Variants in CSMD1 observed in about 807,000 individuals in gnomAD.
The protein encoded by CSMD1 is CUB and sushi domain-containing protein 1.
In CSMD1, 213 loss-of-function variants were observed where a neutral mutation model predicts 417.5. The ratio of observed to expected loss-of-function variants is 0.51; its 90% CI spans 0.46 to 0.57. CSMD1 has a LOEUF of 0.57. Ranked by LOEUF, CSMD1 falls within the 20% of genes least tolerant of loss-of-function variation. CSMD1 has a pLI of 0.00. For synonymous variants in CSMD1, 2,862 were observed against 1,736.8 expected (o/e 1.65, Z -16.11); for missense variants, 6,923 against 4,529.7 (o/e 1.53, Z -15.17).
chr8:4,678,208 C>G (rs764075110), intron 1 of CSMD1, among the ~76,000 whole-genome samples: 1 of 129,262 alleles, frequency 7.7e-6, no homozygotes, highest in Non-Finnish European at 1.7e-5. Context: ...GCCGGGAGTT[C>G]GAGGTCAGCC....
At chr8:3,936,760 A>T (rs4554488) in intron 5 of CSMD1, among the ~76,000 whole-genome samples, 5 of 152,156 alleles carry the variant, frequency 3.3e-5, no homozygotes, top group South Asian at 2.1e-4. Flanking sequence ...CTGCAGCCCA[A>T]GAAACACGAA....
chr8:4,763,302 T>C (rs1207100951), intron 1 of CSMD1, among the ~76,000 whole-genome samples: 1 of 152,218 alleles, frequency 6.6e-6, no homozygotes, highest in East Asian at 1.9e-4. Flanking sequence ...ATAAAGTAAC[T>C]CTTTCCCTCC....
intron 42 of CSMD1, among the ~76,000 whole-genome samples, chr8:3,110,892 C>G (rs577569070): frequency 1.3e-3 from 194 of 152,200 alleles, no homozygotes; most frequent in African/African-American, 4.4e-3. Flanking sequence ...TACTAGTGTT[C>G]AATGACTTGA....
chr8:3,613,700 A>ACAC, intron 8 of CSMD1, among the ~76,000 whole-genome samples: 1 of 87,658 alleles, frequency 1.1e-5, no homozygotes, highest in East Asian at 3.3e-4. Context: ...ATGTCAGATT[A>ACAC]AAACACACAC....
intron 7 of CSMD1, among the ~76,000 whole-genome samples, chr8:3,637,857 A>G (rs1797124789): frequency 1.3e-5 from 2 of 152,178 alleles, no homozygotes; most frequent in Admixed American, 6.5e-5. Flanking sequence ...ATGGTAGTGA[A>G]TAAGTCTCAC....
chr8:4,141,804 C>T (rs1307041137), intron 3 of CSMD1, among the ~76,000 whole-genome samples: 1 of 151,224 alleles, frequency 6.6e-6, no homozygotes. Flanking sequence ...CTCTATTTTA[C>T]AATGACTAAC....
intron 3 of CSMD1, among the ~76,000 whole-genome samples, chr8:4,254,818 T>A (rs898368762): frequency 5.9e-5 from 9 of 152,120 alleles, no homozygotes; most frequent in African/African-American, 2.2e-4. Flanking sequence ...CCCCAGAGCC[T>A]AGGTGTGCCA....
chr8:3,694,037 G>A (rs1800405358), intron 7 of CSMD1, among the ~76,000 whole-genome samples: 2 of 140,362 alleles, frequency 1.4e-5, no homozygotes, highest in African/African-American at 5.3e-5. Context: ...TGTGTGTGTT[G>A]GGTATGTGTG....
chr8:3,234,858 C>G (rs539064832), intron 26 of CSMD1, among the ~76,000 whole-genome samples: 2 of 152,284 alleles, frequency 1.3e-5, no homozygotes, highest in South Asian at 2.1e-4. Context: ...TACACAAATT[C>G]TTGAATTTAC....
At chr8:4,333,524 G>A (rs752802152) in intron 3 of CSMD1, among the ~76,000 whole-genome samples, 2 of 152,156 alleles carry the variant, frequency 1.3e-5, no homozygotes, top group Non-Finnish European at 1.5e-5. Flanking sequence ...TTCATAAAGT[G>A]CTTAAACAGT....
At chr8:3,521,962 A>G (rs1239591681) in intron 10 of CSMD1, among the ~76,000 whole-genome samples, 2 of 152,238 alleles carry the variant, frequency 1.3e-5, no homozygotes, top group Non-Finnish European at 2.9e-5. Context: ...ACAAAAATGC[A>G]ATTAACAAAA....
At chr8:4,022,757 G>T (rs916294291) in intron 4 of CSMD1, among the ~76,000 whole-genome samples, 3 of 152,098 alleles carry the variant, frequency 2.0e-5, no homozygotes, top group African/African-American at 7.2e-5. Flanking sequence ...TAGAAACTTT[G>T]GGAATCAGAG....
rs116810414 is a variant in CSMD1 at position 4,657,086 on chromosome 8, G to C, written c.86-19528C>G. Among the ~76,000 whole-genome samples the C allele has an allele frequency of 2.1e-3, 326 of 152,236 alleles. 4 individuals carry two copies. Among genetic ancestry groups the C allele is most frequent in the African/African-American group, 7.6e-3 (315 of 41,536 alleles). ...ACAGTGCCCAAAGCTGCACAGAAAA[G>C]CTAGGCACAGATTTTCTCTGGGATA... On this transcript the variant is annotated intron_variant, in intron 1 of 69. Transcript: ENST00000635120.
chr8:4,913,966 A>T (rs1357506246), intron 1 of CSMD1, among the ~76,000 whole-genome samples: 1 of 152,224 alleles, frequency 6.6e-6, no homozygotes, highest in Non-Finnish European at 1.5e-5. Context: ...GTAGCCAATT[A>T]AGATTTTAAA....
chr8:4,523,963 C>T (rs943444026), intron 2 of CSMD1, among the ~76,000 whole-genome samples: 1 of 152,066 alleles, frequency 6.6e-6, no homozygotes, highest in Non-Finnish European at 1.5e-5. Context: ...TTTCCCCAGC[C>T]AGCAGTTCCT....
chr8:4,771,283 G>A (rs1796583095), intron 1 of CSMD1, among the ~76,000 whole-genome samples: 1 of 152,114 alleles, frequency 6.6e-6, no homozygotes, highest in East Asian at 1.9e-4. Flanking sequence ...TAATACCAAT[G>A]TTCTCTACCA....
intron 5 of CSMD1, among the ~76,000 whole-genome samples, chr8:3,881,889 A>C (rs1230347590): frequency 6.6e-6 from 1 of 152,298 alleles, no homozygotes; most frequent in Admixed American, 6.5e-5. Flanking sequence ...GGGCTGGGTC[A>C]GTTGCATGTT....
intron 5 of CSMD1, among the ~76,000 whole-genome samples, chr8:3,982,996 G>C (rs1043993375): frequency 3.9e-5 from 6 of 152,270 alleles, no homozygotes; most frequent in Non-Finnish European, 7.4e-5. Flanking sequence ...CCTAGAGCTA[G>C]TTAGTAGCCC....
intron 40 of CSMD1, among the ~76,000 whole-genome samples, chr8:3,143,692 T>C (rs1818653868): frequency 6.6e-6 from 1 of 152,216 alleles, no homozygotes; most frequent in African/African-American, 2.4e-5. Context: ...TAGAGTGTTA[T>C]TCCAGTATAA....
Sources: allele counts gnomAD v4.1 joint callset (sites outside exome capture counted in the v4.1 genomes callset), GRCh38; gene constraint gnomAD v4.1.1; transcripts MANE v1.5; gene names NCBI Gene and HGNC (gene_info 2026-07-23, HGNC 2026-07-21).